The following LRP1B variants were observed in gnomAD, a reference collection of about 807,000 sequenced individuals.
LRP1B encodes the protein LDL receptor related protein 1B, also known as low-density lipoprotein receptor-related protein 1B.
In LRP1B, 217 loss-of-function variants were observed where a neutral mutation model predicts 556.6. The observed-to-expected ratio is 0.39, with a 90% confidence interval of 0.35 to 0.44. The LOEUF (loss-of-function observed/expected upper bound fraction) is 0.44. LRP1B is among the 20% of genes least tolerant of loss of function. The pLI, the probability that LRP1B is intolerant of heterozygous loss-of-function variation, is 1.00. For missense variants in LRP1B, 5,053 were observed against 5,620.8 expected, an observed-to-expected ratio of 0.90 and a Z score of 3.23; for synonymous variants, 2,047 against 1,865.8, an observed-to-expected ratio of 1.10 and a Z score of -2.50.
chr2:140,384,059 C>T (rs966611798), intron 67 of LRP1B, among the ~76,000 whole-genome samples: 7 of 152,084 alleles, frequency 4.6e-5, no homozygotes, highest in Admixed American at 1.3e-4. Flanking sequence ...CAGAAGCAGG[C>T]GAGCCCTTCC....
chr2:141,667,494 G>A (rs181381601), intron 2 of LRP1B, among the ~76,000 whole-genome samples: 1 of 152,194 alleles, frequency 6.6e-6, no homozygotes, highest in East Asian at 1.9e-4. Context: ...GCTTTGTCCT[G>A]TACTCCCCAA....
At chr2:140,321,433 TATC>T (rs1171513338) in intron 82 of LRP1B, among the ~76,000 whole-genome samples, 49 of 151,804 alleles carry the variant, frequency 3.2e-4, no homozygotes, top group Non-Finnish European at 5.6e-4. Context: ...TTATGATAAT[TATC>T]ATAATTATCA....
intron 7 of LRP1B, among the ~76,000 whole-genome samples, chr2:141,142,921 C>T (rs1191991672): frequency 3.9e-5 from 4 of 101,432 alleles, no homozygotes; most frequent in South Asian, 7.5e-4. Flanking sequence ...TGTCTGATTA[C>T]TTTTTTTTTT....
chr2:141,909,874 T>C (rs983687949), intron 1 of LRP1B, among the ~76,000 whole-genome samples: 3 of 152,030 alleles, frequency 2.0e-5, no homozygotes, highest in African/African-American at 7.2e-5. Context: ...AAAATTCTTA[T>C]AATAAATGGA....
At chr2:140,522,733 A>T (rs917131550) in intron 49 of LRP1B, among the ~76,000 whole-genome samples, 1 of 151,940 alleles carries the variant, frequency 6.6e-6, no homozygotes, top group Non-Finnish European at 1.5e-5. Flanking sequence ...CAAAGGCAAC[A>T]TAACAACTGA....
At chr2:141,345,757 G>A (rs1354087304) in intron 3 of LRP1B, among the ~76,000 whole-genome samples, 1 of 150,230 alleles carries the variant, frequency 6.7e-6, no homozygotes, top group African/African-American at 2.5e-5. Flanking sequence ...CTCTCACCTT[G>A]GCCTCCCAAA....
At chr2:140,289,094 G>A (rs918068183) in intron 84 of LRP1B, among the ~76,000 whole-genome samples, 1 of 151,812 alleles carries the variant, frequency 6.6e-6, no homozygotes, top group Non-Finnish European at 1.5e-5. Flanking sequence ...ATTCAGTAGT[G>A]CTCACCAAAA....
At chr2:141,450,297 G>A (rs187320155) in intron 3 of LRP1B, among the ~76,000 whole-genome samples, 178 of 152,252 alleles carry the variant, frequency 1.2e-3, no homozygotes, top group African/African-American at 4.1e-3. Context: ...CCAGAGTCTG[G>A]CCAAATATCA....
chr2:141,226,134 CA>C (rs1271938977), intron 6 of LRP1B, among the ~76,000 whole-genome samples: 1 of 149,740 alleles, frequency 6.7e-6, no homozygotes, highest in Admixed American at 6.7e-5. Flanking sequence ...CAAAAAAAAC[CA>C]AAAGAATAAT....
intron 3 of LRP1B, among the ~76,000 whole-genome samples, chr2:141,456,117 C>T (rs1289769613): frequency 1.3e-5 from 2 of 152,202 alleles, no homozygotes; most frequent in African/African-American, 4.8e-5. Flanking sequence ...CTTTAGCTGT[C>T]AGAGGACAAA....
At chr2:142,064,423 T>C (rs935494461) in intron 1 of LRP1B, among the ~76,000 whole-genome samples, 2 of 151,550 alleles carry the variant, frequency 1.3e-5, no homozygotes, top group African/African-American at 4.8e-5. Flanking sequence ...TTACAACCAG[T>C]TAGGAGAAAG....
chr2:141,126,343 T>G (rs1046062662), intron 7 of LRP1B, among the ~76,000 whole-genome samples: 1 of 152,174 alleles, frequency 6.6e-6, no homozygotes, highest in African/African-American at 2.4e-5. Flanking sequence ...CTTTAATAGC[T>G]ATTTTCCAAC....
intron 1 of LRP1B, among the ~76,000 whole-genome samples, chr2:142,075,456 T>A (rs1338312045): frequency 2.6e-5 from 4 of 152,086 alleles, no homozygotes; most frequent in Admixed American, 2.6e-4. Flanking sequence ...GACTGACATT[T>A]CTGTCACATC....
At chr2:140,559,206 G>GT (rs200924934) in intron 43 of LRP1B, among the ~76,000 whole-genome samples, 34 of 150,582 alleles carry the variant, frequency 2.3e-4, no homozygotes, top group Admixed American at 1.2e-3. Flanking sequence ...TAAATTAACT[G>GT]TTTTTTTTTA....
At chr2:141,215,077 T>C (rs1203017830) in intron 6 of LRP1B, among the ~76,000 whole-genome samples, 1 of 152,140 alleles carries the variant, frequency 6.6e-6, no homozygotes, top group Non-Finnish European at 1.5e-5. Context: ...TGGGTGATGT[T>C]TGGGTTATGG....
chr2:141,470,600 G>C (rs1682425092), intron 3 of LRP1B, among the ~76,000 whole-genome samples: 1 of 152,162 alleles, frequency 6.6e-6, no homozygotes, highest in Non-Finnish European at 1.5e-5. Context: ...AAAACTCAAG[G>C]TCACAGGGTT....
At chr2:141,071,078 T>C (rs1369272732) in intron 7 of LRP1B, among the ~76,000 whole-genome samples, 2 of 151,912 alleles carry the variant, frequency 1.3e-5, no homozygotes, top group Non-Finnish European at 2.9e-5. Flanking sequence ...ACCAATATCC[T>C]TGATGAACAT....
chr2:140,982,060 G>T, intron 18 of LRP1B, 100 bp downstream of exon 18: 2 of 904,068 alleles, frequency 2.2e-6, no homozygotes, highest in Non-Finnish European at 3.5e-6. Context: ...TCTTTTACCT[G>T]TACTCATAAA....
chr2:142,062,278 A>G (rs954947877), intron 1 of LRP1B, among the ~76,000 whole-genome samples: 2 of 151,860 alleles, frequency 1.3e-5, no homozygotes, highest in Admixed American at 6.6e-5. Context: ...TGCTACTCAC[A>G]TACTGTCACC....
Sources: allele counts gnomAD v4.1 joint callset (sites outside exome capture counted in the v4.1 genomes callset), GRCh38; gene constraint gnomAD v4.1.1; transcripts MANE v1.5; gene names NCBI Gene and HGNC (gene_info 2026-07-23, HGNC 2026-07-21).